Variants in GALNT18 observed in about 807,000 individuals in gnomAD.
GALNT18 encodes GalNAc-transferase 18.
A neutral mutation model predicts 69.5 loss-of-function variants in GALNT18; 44 were observed. The ratio of observed to expected loss-of-function variants is 0.63; its 90% CI spans 0.50 to 0.81. The LOEUF is 0.81. Ranked by LOEUF, GALNT18 falls within the 40% of genes least tolerant of loss-of-function variation. The pLI is 0.00. For missense variants in GALNT18, 715 were observed against 810.0 expected (o/e 0.88, Z 1.42); for synonymous variants, 364 against 318.2 (o/e 1.14, Z -1.53).
intron 10 of GALNT18, among the ~76,000 whole-genome samples, chr11:11,284,264 GTGGTGCCTA>G (rs1278402813): frequency 1.3e-5 from 2 of 152,240 alleles, no homozygotes; most frequent in Non-Finnish European, 2.9e-5. Flanking sequence ...AAGTGTGTCT[GTGGTGCCTA>G]CGTGTGGTAC....
chr11:11,326,145 C>T (rs959135695), intron 9 of GALNT18, among the ~76,000 whole-genome samples: 2 of 150,830 alleles, frequency 1.3e-5, no homozygotes, highest in Admixed American at 1.3e-4. Flanking sequence ...CCCGGGTTCA[C>T]GCCATTCTCC....
chr11:11,512,780 G>T (rs538658127), intron 1 of GALNT18, among the ~76,000 whole-genome samples: 1 of 152,270 alleles, frequency 6.6e-6, no homozygotes, highest in East Asian at 1.9e-4. Context: ...ACCATGCTCT[G>T]CTACTCTCCT....
At chr11:11,536,091 A>C (rs994937808) in intron 1 of GALNT18, among the ~76,000 whole-genome samples, 4 of 152,198 alleles carry the variant, frequency 2.6e-5, no homozygotes, top group African/African-American at 9.7e-5. Context: ...CTCTCCAGCT[A>C]TTCCTGACTA....
At chr11:11,422,002 T>A (rs1855019688) in intron 3 of GALNT18, among the ~76,000 whole-genome samples, 2 of 152,168 alleles carry the variant, frequency 1.3e-5, no homozygotes, top group Admixed American at 1.3e-4. Context: ...CACAGTTGAA[T>A]CAGTTGAATC....
intron 1 of GALNT18, among the ~76,000 whole-genome samples, chr11:11,533,664 G>A (rs769143725): frequency 1.1e-4 from 17 of 152,172 alleles, no homozygotes; most frequent in African/African-American, 2.2e-4. Flanking sequence ...TTGTACAAAC[G>A]AAACAGTGTA....
rs1444772894 is a variant in GALNT18, at chr11:11,377,101, G to A, written c.977+81C>T. On this transcript the variant is annotated intron_variant, in intron 5 of 10. Transcript: ENST00000227756. This position sits in a 1 kb window ranked among gnomAD's most constrained non-coding sequence, Gnocchi z 4.6. ...TCATCCCCACGATGGGGCTCAAGTT[G>A]GAGAATAAGCATTGGACCAGTAGGC... 2 of 1,353,490 alleles carry A rather than the reference G, an allele frequency of 1.5e-6. No individual in the cohort carries two copies. The highest frequency in any genetic ancestry group is 1.4e-5 in the African/African-American group (1 of 69,558). The allele number at this position is 1,353,490 out of a possible 1,614,324, so 83.8% of individuals were successfully genotyped here. A position where few individuals can be genotyped will look rare whatever the true frequency, so the allele number is the denominator to read the frequency against.
intron 1 of GALNT18, among the ~76,000 whole-genome samples, chr11:11,488,954 C>T (rs763398010): frequency 1.3e-5 from 2 of 152,162 alleles, no homozygotes; most frequent in Admixed American, 6.5e-5. Context: ...CCTTGACCCA[C>T]GTGGCCTTTA....
Position 11,271,215 on chromosome 11 carries a change from G to A in GALNT18, c.1753C>T (p.Gln585Ter), listed in dbSNP as rs1325842011. The A allele has an allele frequency of 2.5e-6, 4 of 1,614,090 alleles. No individual in the cohort carries two copies. The highest frequency in any genetic ancestry group is 3.4e-6 in the Non-Finnish European group (4 of 1,180,006). Residue 585 changes from glutamine to a stop codon, truncating the protein, a stop_gained, in exon 11 of 11, where the codon CAG becomes TAG. Transcript: ENST00000227756. LOFTEE classifies it high-confidence loss of function. ...QENSDLEFGF[Q>*]LVLQKCSGQH... is the part of the protein sequence containing the mutation. Reference sequence around the variant, plus strand: ...CCCGAGCACTTCTGCAACACCAGCTGGAAGCCGAACTCCAGGTCGCTATTC... The same window carrying A: ...CCCGAGCACTTCTGCAACACCAGCTAGAAGCCGAACTCCAGGTCGCTATTC...
intron 1 of GALNT18, among the ~76,000 whole-genome samples, chr11:11,544,017 T>G (rs1857986332): frequency 1.3e-5 from 2 of 152,242 alleles, no homozygotes; most frequent in Admixed American, 1.3e-4. Flanking sequence ...CCTGCAATAG[T>G]GCGCACAAGG....
At chr11:11,300,172 G>A (rs1849469623) in intron 9 of GALNT18, among the ~76,000 whole-genome samples, 1 of 152,216 alleles carries the variant, frequency 6.6e-6, no homozygotes, top group South Asian at 2.1e-4. Flanking sequence ...TGGACTAGCT[G>A]TTTTTCCTCC....
Position 11,383,271 on chromosome 11 carries a change from C to G in GALNT18, c.596-4007G>C, listed in dbSNP as rs1355720338. The stretch of plus-strand genomic sequence containing the variant: ...ACCAGCCTGGTCAAACAGAGCCCTT[C>G]TCCCTTCCTCATCTACCCCCTTCCA... On this transcript the variant is annotated intron_variant, in intron 3 of 10. Transcript: ENST00000227756. This position sits in a 1 kb window ranked among gnomAD's most constrained non-coding sequence, Gnocchi z 5.2. 6.6e-6 allele frequency among the ~76,000 whole-genome samples: 1 copy of G among 152,228 alleles called. No individual in the cohort carries two copies. Among genetic ancestry groups the G allele is most frequent in the African/African-American group, 2.4e-5 (1 of 41,464 alleles).
At chr11:11,285,354 C>A (rs147574430) in intron 10 of GALNT18, among the ~76,000 whole-genome samples, 3 of 152,090 alleles carry the variant, frequency 2.0e-5, no homozygotes, top group Admixed American at 6.5e-5. Context: ...TACCTTATAG[C>A]GCTATCATAG....
chr11:11,371,529 C>A (rs1850903918), intron 6 of GALNT18, among the ~76,000 whole-genome samples: 1 of 151,896 alleles, frequency 6.6e-6, no homozygotes, highest in Admixed American at 6.6e-5. Context: ...TCAGATAATC[C>A]CTACGGACAC....
intron 6 of GALNT18, among the ~76,000 whole-genome samples, chr11:11,348,373 C>T (rs1025814226): frequency 3.7e-5 from 5 of 133,426 alleles, no homozygotes; most frequent in African/African-American, 8.8e-5. Context: ...AGCAAGACTT[C>T]GTCTCAGGAA....
At chr11:11,467,343 G>C (rs528487146) in intron 1 of GALNT18, among the ~76,000 whole-genome samples, 1 of 152,198 alleles carries the variant, frequency 6.6e-6, no homozygotes, top group African/African-American at 2.4e-5. Flanking sequence ...CACTGGTTCC[G>C]CTGCAGCTGC....
At chr11:11,481,102 C>T (rs1564971062) in intron 1 of GALNT18, among the ~76,000 whole-genome samples, 1 of 152,148 alleles carries the variant, frequency 6.6e-6, no homozygotes, top group Non-Finnish European at 1.5e-5. Context: ...GGAATCCTGG[C>T]AGGAGGTTTC....
At chr11:11,510,997 C>T (rs551213796) in intron 1 of GALNT18, among the ~76,000 whole-genome samples, 2 of 152,076 alleles carry the variant, frequency 1.3e-5, no homozygotes, top group East Asian at 1.9e-4. Flanking sequence ...CAGACACAAC[C>T]GGCACTCTTT....
At chr11:11,411,220 G>A (rs1854720097) in intron 3 of GALNT18, among the ~76,000 whole-genome samples, 1 of 152,210 alleles carries the variant, frequency 6.6e-6, no homozygotes, top group Admixed American at 6.5e-5. Flanking sequence ...AGGTTAAGGT[G>A]AGAGGACCAC....
At chr11:11,312,443 C>T (rs1849687475) in intron 9 of GALNT18, among the ~76,000 whole-genome samples, 1 of 152,082 alleles carries the variant, frequency 6.6e-6, no homozygotes, top group Non-Finnish European at 1.5e-5. Flanking sequence ...ATTTACTAAG[C>T]AGAAATGGAC....
Sources: gnomAD v4.1 joint callset for allele counts (sites outside exome capture counted in the v4.1 genomes callset) on GRCh38, gnomAD v4.1.1 for gene constraint, Gnocchi (gnomAD v3.1) non-coding constraint, MANE v1.5 for transcripts, NCBI Gene and HGNC (gene_info 2026-07-23, HGNC 2026-07-21) for gene names.